Variants in MYO16 observed in about 807,000 individuals in gnomAD.
MYO16 encodes unconventional myosin-XVI.
Under a neutral mutation model 205.3 loss-of-function variants are expected in MYO16, and 94 were observed. The ratio of observed to expected loss-of-function variants is 0.46; its 90% CI spans 0.39 to 0.54. The LOEUF (loss-of-function observed/expected upper bound fraction) is 0.54, where lower values mean the gene tolerates loss of function less well. MYO16 is among the 20% of genes least tolerant of loss of function. MYO16 has a pLI of 0.00. For missense variants in MYO16, 2,315 were observed against 2,387.5 expected (o/e 0.97, Z 0.63); for synonymous variants, 988 against 954.0 (o/e 1.04, Z -0.66).
At chr13:108,890,464 G>C (rs1880117648) in intron 14 of MYO16, among the ~76,000 whole-genome samples, 1 of 152,112 alleles carries the variant, frequency 6.6e-6, no homozygotes, top group African/African-American at 2.4e-5. Context: ...CTGCTCCCCA[G>C]GGTCAGGTAG....
chr13:108,602,494 C>G (rs1878802009), intron 1 of MYO16, among the ~76,000 whole-genome samples: 1 of 151,964 alleles, frequency 6.6e-6, no homozygotes, highest in Admixed American at 6.6e-5. Flanking sequence ...ATTTCTTCTT[C>G]CAAGGGAATT....
At chr13:109,023,574 T>G (rs1886205078) in intron 23 of MYO16, among the ~76,000 whole-genome samples, 1 of 125,330 alleles carries the variant, frequency 8.0e-6, no homozygotes, top group Non-Finnish European at 1.6e-5. Context: ...CAAATACATG[T>G]ATATATTTAT....
In MYO16 at chr13:108,614,645, A is replaced by T. The variant is rs1198183135; in HGVS notation, c.-39+18406A>T. ...CTGGATATATAAATCAATGAGATAT[A>T]ATTAAGAGTCCAGAAATAAACACTT... On this transcript the variant is annotated intron_variant, in intron 1 of 24. Coordinates refer to the MYO16 transcript ENST00000251041. Among the ~76,000 whole-genome samples, 11 of 152,118 alleles carry T rather than the reference A, an allele frequency of 7.2e-5. 1 individual carries two copies. Among genetic ancestry groups the T allele is most frequent in the Non-Finnish European group, 4.4e-5 (3 of 67,960 alleles).
chr13:109,147,269 A>T (rs1478941078), intron 32 of MYO16, among the ~76,000 whole-genome samples: 1 of 152,192 alleles, frequency 6.6e-6, no homozygotes, highest in East Asian at 1.9e-4. Context: ...AGTCAATATC[A>T]TATGGGTTTC....
intron 20 of MYO16, among the ~76,000 whole-genome samples, chr13:108,978,279 G>T (rs1334411723): frequency 6.6e-6 from 1 of 151,710 alleles, no homozygotes; most frequent in Non-Finnish European, 1.5e-5. Flanking sequence ...TTATTTTATT[G>T]CATTGGCTAG....
chr13:108,885,088 A>G (rs761193142), intron 13 of MYO16, among the ~76,000 whole-genome samples: 2 of 152,158 alleles, frequency 1.3e-5, no homozygotes, highest in Non-Finnish European at 2.9e-5. Context: ...TTCTAGACTC[A>G]AGGATGAGAA....
intron 1 of MYO16, among the ~76,000 whole-genome samples, chr13:108,658,791 C>CT (rs1881357995): frequency 6.6e-6 from 1 of 152,054 alleles, no homozygotes; most frequent in Non-Finnish European, 1.5e-5. Context: ...TTGAGATTTG[C>CT]TTTGCTTTAT....
chr13:108,775,941 G>A (rs1326831573), intron 4 of MYO16, among the ~76,000 whole-genome samples: 1 of 152,102 alleles, frequency 6.6e-6, no homozygotes, highest in Non-Finnish European at 1.5e-5. Context: ...TCATGCCTTC[G>A]TCCAGTGCAA....
intron 4 of MYO16, among the ~76,000 whole-genome samples, chr13:108,759,618 G>A (rs1430631889): frequency 6.6e-6 from 1 of 152,092 alleles, no homozygotes; most frequent in East Asian, 1.9e-4. Flanking sequence ...TCAGGAGATT[G>A]AGACCATCCT....
At chr13:108,583,676 T>A in the MYO16 span, among the ~76,000 whole-genome samples, 1 of 152,218 alleles carries the variant, frequency 6.6e-6, no homozygotes, top group African/African-American at 2.4e-5. Flanking sequence ...TGACGAATGA[T>A]AATAATTTGC....
Position 108,665,968 on chromosome 13 carries a change from A to G in MYO16, c.111A>G (p.Gln37=), listed in dbSNP as rs374275936. The G allele has an allele frequency of 7.7e-4, 1,245 of 1,614,106 alleles. 18 individuals carry two copies. In the South Asian group the frequency reaches 0.012, roughly 15 times the overall value. Residue 37 remains glutamine, a synonymous_variant, in exon 2 of 35, where the codon CAA becomes CAG. Coordinates refer to ENST00000457511, the MANE Select transcript of MYO16 (RefSeq NM_001198950.3). ...QCLLESLPLG[Q]RQRLVKRMRC... The stretch of plus-strand genomic sequence containing the variant: ...TGCTAGAGTCCCTTCCCCTTGGCCA[A>G]CGGCAGCGTCTAGTGAAGCGCATGC...
intron 3 of MYO16, 77 bp downstream of exon 3, chr13:108,712,808 G>T (rs755258998): frequency 1.9e-6 from 2 of 1,068,066 alleles, no homozygotes; most frequent in Admixed American, 5.0e-5. Context: ...ACCCAGGAAC[G>T]AAATGTACAT....
At chr13:108,594,591 C>T (rs568347014), upstream of MYO16, among the ~76,000 whole-genome samples, 1 of 152,312 alleles carries the variant, frequency 6.6e-6, no homozygotes, top group East Asian at 1.9e-4. Context: ...GGAGGATTGG[C>T]CTCAACTGAC....
rs1389995957 is a variant in MYO16 at position 108,874,693 on chromosome 13, CATCATTATTATTATTATT to C, written c.1426-8363_1426-8346del. On this transcript the variant is annotated intron_variant, in intron 12 of 34. Transcript: ENST00000457511. ...GCCCAGAGGCAGACAGTTTCATCAT[CATCATTATTATTATTATT>C]ATTATTATTATTATTATTATTATTA... is the stretch of plus-strand genomic sequence containing the variant. Among the ~76,000 whole-genome samples, 9 of 128,792 alleles carry C rather than the reference CATCATTATTATTATTATT, an allele frequency of 7.0e-5. No individual in the cohort carries two copies. In the South Asian group the frequency reaches 7.1e-4, roughly 10 times the overall value. The allele number at this position is 128,792 out of a possible 152,430, so 84.5% of individuals were successfully genotyped here. A position where few individuals can be genotyped will look rare whatever the true frequency, so the allele number is the denominator to read the frequency against.
the MYO16 span, among the ~76,000 whole-genome samples, chr13:108,583,704 A>G: frequency 1.3e-5 from 2 of 152,152 alleles, no homozygotes; most frequent in Admixed American, 1.3e-4. Flanking sequence ...TGAATTTTGT[A>G]TTACTCAGTG....
At chr13:108,969,260 A>G (rs1009633270) in intron 20 of MYO16, among the ~76,000 whole-genome samples, 1 of 152,228 alleles carries the variant, frequency 6.6e-6, no homozygotes. Context: ...ATTACATCAA[A>G]TTATTTCTAA....
chr13:108,525,624 G>C, the MYO16 span, among the ~76,000 whole-genome samples: 1 of 152,172 alleles, frequency 6.6e-6, no homozygotes, highest in South Asian at 2.1e-4. Context: ...CGCTGATCTT[G>C]ATAGCACCAA....
intron 10 of MYO16, among the ~76,000 whole-genome samples, chr13:108,846,611 G>A (rs933002261): frequency 6.6e-6 from 1 of 151,942 alleles, no homozygotes; most frequent in African/African-American, 2.4e-5. Flanking sequence ...TGTGAGCAAA[G>A]AAATTGAGTG....
chr13:109,081,684 T>C lies in MYO16; in HGVS notation c.3336-19101T>C, dbSNP rs187086875. 2.3e-3 allele frequency among the ~76,000 whole-genome samples: 346 copies of C among 152,220 alleles called. 4 individuals carry two copies. Among genetic ancestry groups the C allele is most frequent in the South Asian group, 0.02 (96 of 4,822 alleles). ...GTTGAGTTTAATATGAAAAAAGGGA[T>C]GGGCATGAGCAGCATCTTAAGGTGT... On this transcript the variant is annotated intron_variant, in intron 27 of 34. Coordinates refer to ENST00000457511, the MANE Select transcript of MYO16 (RefSeq NM_001198950.3).
Sources: gnomAD v4.1 joint callset for allele counts (sites outside exome capture counted in the v4.1 genomes callset) on GRCh38, gnomAD v4.1.1 for gene constraint, MANE v1.5 for transcripts, NCBI Gene and HGNC (gene_info 2026-07-23, HGNC 2026-07-21) for gene names.